Variants in IDO2 observed in about 807,000 individuals in gnomAD.
IDO2 encodes indoleamine 2,3-dioxygenase 2.
Under a neutral mutation model 45.1 loss-of-function variants are expected in IDO2, and 46 were observed. The ratio of observed to expected loss-of-function variants is 1.02; its 90% CI spans 0.80 to 1.30. The LOEUF is 1.30. Among genes scored for constraint, IDO2 ranks in the 50% most tolerant of loss-of-function variants. IDO2 has a pLI of 0.00. For missense variants in IDO2, 544 were observed against 491.8 expected, an observed-to-expected ratio of 1.11 and a Z score of -1.00; for synonymous variants, 218 against 184.9, an observed-to-expected ratio of 1.18 and a Z score of -1.45.
chr8:39,954,758 C>T (rs1163302795), intron 2 of IDO2, among the ~76,000 whole-genome samples: 1 of 148,172 alleles, frequency 6.7e-6, no homozygotes, highest in East Asian at 2.0e-4. Context: ...CGGGTTCAAG[C>T]AATTCTCCTG....
intron 1 of IDO2, among the ~76,000 whole-genome samples, chr8:39,939,334 G>A (rs1312499509): frequency 4.0e-5 from 6 of 151,280 alleles, no homozygotes; most frequent in Admixed American, 4.0e-4. Flanking sequence ...ATCACTTGAG[G>A]TCAGGAGTTG....
At chr8:39,944,749 TA>T (rs1807706044) in intron 1 of IDO2, among the ~76,000 whole-genome samples, 1 of 152,220 alleles carries the variant, frequency 6.6e-6, no homozygotes, top group East Asian at 1.9e-4. Context: ...AAAATTGTTT[TA>T]ACTGGACCCC....
chr8:39,963,993 T>C (rs753799655), intron 3 of IDO2, among the ~76,000 whole-genome samples: 1 of 152,196 alleles, frequency 6.6e-6, no homozygotes, highest in Non-Finnish European at 1.5e-5. Flanking sequence ...AACTAACTAA[T>C]GGACAAGGTA....
At chr8:39,982,990 A>G (rs1269156638) in intron 5 of IDO2, among the ~76,000 whole-genome samples, 2 of 152,338 alleles carry the variant, frequency 1.3e-5, no homozygotes, top group East Asian at 3.9e-4. Context: ...TTGTTTCCAC[A>G]TGACGTGTGA....
intron 6 of IDO2, chr8:39,986,829 A>G (rs920826178): frequency 4.0e-5 from 6 of 151,054 alleles, no homozygotes; most frequent in African/African-American, 7.3e-5. Flanking sequence ...GATTTCCCCA[A>G]TGCTATTCTC....
intron 3 of IDO2, among the ~76,000 whole-genome samples, chr8:39,971,572 C>T (rs1162049118): frequency 6.6e-6 from 1 of 151,990 alleles, no homozygotes; most frequent in Non-Finnish European, 1.5e-5. Context: ...CAAATGGAAA[C>T]CTGGAAAGGA....
chr8:39,956,775 G>T (rs376362430), intron 2 of IDO2, among the ~76,000 whole-genome samples: 1 of 151,900 alleles, frequency 6.6e-6, no homozygotes. Context: ...GGATGGATGC[G>T]GTGGCTCACG....
intron 2 of IDO2, among the ~76,000 whole-genome samples, chr8:39,954,958 C>A (rs962451086): frequency 6.6e-6 from 1 of 151,362 alleles, no homozygotes; most frequent in Non-Finnish European, 1.5e-5. Context: ...TGCCCAGTCT[C>A]CCCCTGTCTC....
At chr8:39,940,898 C>A (rs1456203225) in intron 1 of IDO2, among the ~76,000 whole-genome samples, 1 of 149,156 alleles carries the variant, frequency 6.7e-6, no homozygotes, top group African/African-American at 2.5e-5. Flanking sequence ...TAAGTATATA[C>A]CATTCTTATG....
exon 11 of IDO2, chr8:40,015,515 C>T: frequency 6.2e-7 from 1 of 1,614,014 alleles, no homozygotes; most frequent in Non-Finnish European, 8.5e-7. Context: ...CTTTAAAAGA[C>T]AGGGGCACAG....
intron 7 of IDO2, among the ~76,000 whole-genome samples, chr8:39,989,517 A>G (rs1245765108): frequency 6.6e-6 from 1 of 152,100 alleles, no homozygotes; most frequent in East Asian, 1.9e-4. Flanking sequence ...TTCCAGAAAC[A>G]CTTACCTAGG....
intron 2 of IDO2, among the ~76,000 whole-genome samples, chr8:39,959,184 TGCAA>T (rs1194124612): frequency 6.6e-6 from 1 of 151,756 alleles, no homozygotes; most frequent in African/African-American, 2.4e-5. Context: ...ATTGGCTCAC[TGCAA>T]GCTCTGCCTC....
chr8:39,947,377 T>G (rs1046524483), intron 1 of IDO2, among the ~76,000 whole-genome samples: 1 of 152,182 alleles, frequency 6.6e-6, no homozygotes, highest in Non-Finnish European at 1.5e-5. Context: ...AGGAAATCAA[T>G]GTACTTTATG....
intron 2 of IDO2, among the ~76,000 whole-genome samples, chr8:39,955,771 A>G (rs16888433): frequency 0.013 from 1,988 of 152,322 alleles, 22 homozygotes; most frequent in Non-Finnish European, 0.019. Context: ...CTATTTTGGC[A>G]TGTCCTCTAC....
chr8:39,939,680 T>C (rs1228429025), intron 1 of IDO2, among the ~76,000 whole-genome samples: 11 of 142,072 alleles, frequency 7.7e-5, no homozygotes, highest in Non-Finnish European at 1.2e-4. Context: ...ATGGAAAATG[T>C]CACGAAAATA....
At chr8:39,955,989 C>A (rs1001874219) in intron 2 of IDO2, among the ~76,000 whole-genome samples, 1 of 151,416 alleles carries the variant, frequency 6.6e-6, no homozygotes, top group East Asian at 1.9e-4. Context: ...TGGATAGTTG[C>A]CTTGGTTAGT....
intron 9 of IDO2, among the ~76,000 whole-genome samples, chr8:40,010,086 C>T (rs1037332808): frequency 1.3e-5 from 2 of 151,998 alleles, no homozygotes; most frequent in African/African-American, 4.8e-5. Flanking sequence ...ATAAAAGCGT[C>T]ATACAATATA....
intron 1 of IDO2, among the ~76,000 whole-genome samples, chr8:39,940,196 T>C (rs967106214): frequency 9.8e-5 from 15 of 152,318 alleles, no homozygotes; most frequent in South Asian, 8.3e-4. Flanking sequence ...GGTAAGTTTC[T>C]GGGGCTGGGA....
rs546117658 is a variant in IDO2 at position 39,991,463 on chromosome 8, A to G, written c.667+1625A>G. ...CAAAAGGAAGCAATTTTGGAAGATTATGAGAAACCTTCCAACAGGTCCCAG... is the reference window on the plus strand; with the variant it reads ...CAAAAGGAAGCAATTTTGGAAGATTGTGAGAAACCTTCCAACAGGTCCCAG... On this transcript the variant is annotated intron_variant, in intron 8 of 10. Coordinates refer to ENST00000502986, the Ensembl canonical transcript of IDO2. 5.3e-5 allele frequency among the ~76,000 whole-genome samples: 8 copies of G among 152,080 alleles called. No individual in the cohort carries two copies. The South Asian group carries it at 1.7e-3, about 32-fold the overall frequency.
Sources: allele counts gnomAD v4.1 joint callset (sites outside exome capture counted in the v4.1 genomes callset), GRCh38; gene constraint gnomAD v4.1.1; transcripts MANE v1.5; gene names NCBI Gene and HGNC (gene_info 2026-07-23, HGNC 2026-07-21).